The following MAMDC2 variants were observed in gnomAD, a reference collection of about 807,000 sequenced individuals.
MAMDC2 encodes MAM domain-containing protein 2.
A neutral mutation model predicts 89.8 loss-of-function variants in MAMDC2; 57 were observed. That is an observed-to-expected ratio of 0.63 (90% confidence interval 0.51 to 0.79). The LOEUF (loss-of-function observed/expected upper bound fraction) is 0.79. MAMDC2 is among the 30% of genes least tolerant of loss of function. The pLI is 0.00. For synonymous variants in MAMDC2, 313 were observed against 293.4 expected (o/e 1.07, Z -0.68); for missense variants, 800 against 820.6 (o/e 0.97, Z 0.31).
rs1564004130 is a variant in MAMDC2, at chr9:70,218,346, T to G, written c.1661T>G (p.Met554Arg). Residue 554 changes from methionine to arginine, a missense_variant, in exon 12 of 14, where the codon ATG becomes AGG. Coordinates refer to ENST00000377182, the MANE Select transcript of MAMDC2 (RefSeq NM_153267.5). ...TTGCATTCACCTCAAGGCTACTACA[T>G]GTACATTGAGGCCTCCCATATGGTG... ...GDHTTGVGYY[M>R]YIEASHMVYG... 2 of 1,612,982 alleles carry G rather than the reference T, an allele frequency of 1.2e-6. No homozygotes were observed. Among genetic ancestry groups the G allele is most frequent in the Non-Finnish European group, 1.7e-6 (2 of 1,179,246 alleles).
intron 9 of MAMDC2, among the ~76,000 whole-genome samples, chr9:70,156,686 A>AT (rs1309265199): frequency 2.0e-5 from 3 of 152,240 alleles, no homozygotes; most frequent in African/African-American, 7.2e-5. Flanking sequence ...ATAAGTTTTC[A>AT]TGTCAAAGAA....
chr9:70,127,790 C>G (rs1324631721), intron 6 of MAMDC2, among the ~76,000 whole-genome samples: 2 of 151,882 alleles, frequency 1.3e-5, no homozygotes. Context: ...TCTTGCAGCC[C>G]AGTGGAAAAT....
At chr9:70,132,906 T>C (rs1050016304) in intron 7 of MAMDC2, among the ~76,000 whole-genome samples, 1 of 152,198 alleles carries the variant, frequency 6.6e-6, no homozygotes, top group Non-Finnish European at 1.5e-5. Flanking sequence ...ATACTATTTT[T>C]CCTAATTCTA....
At chr9:70,052,599 G>A (rs1042122099) in intron 2 of MAMDC2, among the ~76,000 whole-genome samples, 9 of 152,066 alleles carry the variant, frequency 5.9e-5, no homozygotes, top group Non-Finnish European at 1.2e-4. Context: ...TCCCCACCCT[G>A]TCACCTCATC....
intron 9 of MAMDC2, chr9:70,148,034 T>C (rs2031462182): frequency 6.6e-6 from 1 of 150,408 alleles, no homozygotes; most frequent in Non-Finnish European, 1.5e-5. Flanking sequence ...TGTAGAGTTA[T>C]CGTGCTGCAA....
chr9:70,098,085 A>G (rs1376281927), intron 2 of MAMDC2, among the ~76,000 whole-genome samples: 1 of 152,200 alleles, frequency 6.6e-6, no homozygotes, highest in Non-Finnish European at 1.5e-5. Context: ...CTGGGGGCCC[A>G]TATACTTTAT....
At chr9:70,060,452 A>G (rs2118026809) in intron 2 of MAMDC2, 1 of 152,350 alleles carries the variant, frequency 6.6e-6, no homozygotes, top group Non-Finnish European at 1.5e-5. Context: ...GAAGCAGTGA[A>G]TAGAAAAAAT....
chr9:70,186,064 G>C (rs1318106041), intron 11 of MAMDC2, among the ~76,000 whole-genome samples: 2 of 150,326 alleles, frequency 1.3e-5, no homozygotes, highest in Non-Finnish European at 3.0e-5. Context: ...TTTACAAGTT[G>C]TTTTTTTTTC....
chr9:70,103,531 C>T (rs1828249553), intron 2 of MAMDC2, among the ~76,000 whole-genome samples: 1 of 151,418 alleles, frequency 6.6e-6, no homozygotes, highest in African/African-American at 2.4e-5. Context: ...AACAATAAAA[C>T]TCTGAGAAAA....
intron 9 of MAMDC2, among the ~76,000 whole-genome samples, chr9:70,158,194 A>T (rs2031834726): frequency 6.6e-6 from 1 of 152,146 alleles, no homozygotes; most frequent in Non-Finnish European, 1.5e-5. Flanking sequence ...GGCTCAAGCG[A>T]TCCACCCATG....
chr9:70,121,106 C>T (rs566231992), intron 5 of MAMDC2, among the ~76,000 whole-genome samples: 8 of 152,168 alleles, frequency 5.3e-5, no homozygotes, highest in East Asian at 1.9e-4. Flanking sequence ...TCTGGCACCG[C>T]GGCCAAGCCA....
chr9:70,045,523 C>T lies in MAMDC2; in HGVS notation c.148+826C>T, dbSNP rs114678807. Among the ~76,000 whole-genome samples, 1,080 of 152,174 alleles carry T rather than the reference C, an allele frequency of 7.1e-3. 7 individuals are homozygous for T. The highest frequency in any genetic ancestry group is 0.024 in the African/African-American group (976 of 41,500). ...CAGACTATTTGGATTGGAAAATAGC[C>T]TTCTTTAAAAAACATGGTACCCTAG... On this transcript the variant is annotated intron_variant, in intron 2 of 13. Coordinates refer to ENST00000377182, the MANE Select transcript of MAMDC2 (RefSeq NM_153267.5).
chr9:70,081,274 AT>A (rs1470494730), intron 2 of MAMDC2, among the ~76,000 whole-genome samples: 1 of 151,944 alleles, frequency 6.6e-6, no homozygotes, highest in African/African-American at 2.4e-5. Flanking sequence ...GATCTTGAGG[AT>A]GTTTATCTTG....
At chr9:70,150,830 T>G (rs965085147) in intron 9 of MAMDC2, among the ~76,000 whole-genome samples, 13 of 152,150 alleles carry the variant, frequency 8.5e-5, no homozygotes, top group African/African-American at 3.1e-4. Context: ...TCCATCTTAC[T>G]CTCTCTATAC....
intron 9 of MAMDC2, among the ~76,000 whole-genome samples, chr9:70,150,666 A>G (rs2031552462): frequency 6.6e-6 from 1 of 152,170 alleles, no homozygotes; most frequent in South Asian, 2.1e-4. Flanking sequence ...TTTCCTTGCC[A>G]CTTTTCCCTA....
intron 9 of MAMDC2, among the ~76,000 whole-genome samples, chr9:70,155,816 A>T (rs1388746706): frequency 6.6e-6 from 1 of 152,210 alleles, no homozygotes; most frequent in Admixed American, 6.5e-5. Flanking sequence ...CTTGTTGCAG[A>T]AATCATTATA....
chr9:70,044,885 G>C (rs1826708512), intron 2 of MAMDC2, among the ~76,000 whole-genome samples, 188 bp downstream of exon 2: 1 of 152,254 alleles, frequency 6.6e-6, no homozygotes, highest in South Asian at 2.1e-4. Context: ...GGGCGGGCGG[G>C]AGGCCGCCCT....
chr9:70,075,615 AAC>A (rs1446111637), intron 2 of MAMDC2, among the ~76,000 whole-genome samples: 1 of 152,230 alleles, frequency 6.6e-6, no homozygotes, highest in African/African-American at 2.4e-5. Flanking sequence ...GCAAGAAAGC[AAC>A]AGTTTACAAC....
At chr9:70,080,237 A>T (rs530451087) in intron 2 of MAMDC2, among the ~76,000 whole-genome samples, 4 of 152,244 alleles carry the variant, frequency 2.6e-5, no homozygotes, top group Non-Finnish European at 5.9e-5. Context: ...TGCTGCATGC[A>T]TCTTTCCACA....
Sources: gnomAD v4.1 joint callset for allele counts (sites outside exome capture counted in the v4.1 genomes callset) on GRCh38, gnomAD v4.1.1 for gene constraint, MANE v1.5 for transcripts, NCBI Gene and HGNC (gene_info 2026-07-23, HGNC 2026-07-21) for gene names.